Variants in CENPO observed in about 807,000 individuals in gnomAD.
The protein encoded by CENPO is centromere protein O.
Under a neutral mutation model 36.1 loss-of-function variants are expected in CENPO, and 30 were observed. The ratio of observed to expected loss-of-function variants is 0.83; its 90% CI spans 0.62 to 1.13. The LOEUF is 1.13. Ranked by LOEUF, CENPO falls within the 50% of genes most tolerant of loss-of-function variation. The probability of loss-of-function intolerance (pLI) is 0.00; values close to 1 mark genes in which losing one functional copy is unlikely to be tolerated. For synonymous variants in CENPO, 171 were observed against 142.3 expected (o/e 1.20, Z -1.44); for missense variants, 349 against 357.8 (o/e 0.98, Z 0.20).
rs750363603 is a variant in CENPO at position 24,816,707 on chromosome 2, C to T, written c.656C>T (p.Ser219Leu). ...LQRNPLCNLL[S>L]FTYKLDPGGQ... ...AGAAACCCACTGTGTAACTTGCTGT[C>T]ATTTACTTACAAACTGGATCCAGGG... Residue 219 changes from serine to leucine, a missense_variant, in exon 6 of 8, where the codon TCA becomes TTA. Ser to Leu is a moderately radical substitution (Grantham distance 145). Transcript: ENST00000380834. 6.2e-7 allele frequency: 1 copy of T among 1,613,366 alleles called. No individual in the cohort carries two copies. The highest frequency in any genetic ancestry group is 1.1e-5 in the South Asian group (1 of 90,804).
intron 4 of CENPO, 92 bp downstream of exon 4, chr2:24,814,585 A>G (rs1558380346): frequency 1.4e-6 from 1 of 736,194 alleles, no homozygotes; most frequent in South Asian, 1.5e-5. Context: ...ATTATTTCAT[A>G]ATTTATAGTA....
Position 24,807,515 on chromosome 2 carries a change from A to C in CENPO, c.217-6861A>C, listed in dbSNP as rs796383805. 9.2e-5 allele frequency among the ~76,000 whole-genome samples: 14 copies of C among 152,270 alleles called. 1 individual carries two copies. Among genetic ancestry groups the C allele is most frequent in the African/African-American group, 3.4e-4 (14 of 41,574 alleles). On this transcript the variant is annotated intron_variant, in intron 3 of 7. Coordinates refer to ENST00000380834, the MANE Select transcript of CENPO (RefSeq NM_001322101.2). Reference sequence around the variant, plus strand: ...CAATTCTATTTTATGAGTATACTACATTTATTTACCCATTCTACTGTGATG... The same window carrying C: ...CAATTCTATTTTATGAGTATACTACCTTTATTTACCCATTCTACTGTGATG...
chr2:24,814,540 T>TAACTCACTA, intron 4 of CENPO, 47 bp downstream of exon 4: 1 of 859,254 alleles, frequency 1.2e-6, no homozygotes, highest in Non-Finnish European at 2.0e-6. Flanking sequence ...CTGCCTCTAG[T>TAACTCACTA]GAGTTAGTTT....
chr2:24,793,952 C>G lies in CENPO; in HGVS notation c.33C>G (p.Gly11=). The change falls in exon 2 of 8, where the codon GGC becomes GGG. Residue 11 remains glycine, a synonymous_variant. Transcript: ENST00000380834. ...AGGCGAACCCTTTACGTCCAGATGG[C>G]GAGTCCAAAGGAGGTATTCAGAGGG... MEQANPLRPD[G]ESKGGVLAHL... 6.2e-7 allele frequency: 1 copy of G among 1,613,804 alleles called. No homozygotes were observed. Among genetic ancestry groups the G allele is most frequent in the Non-Finnish European group, 8.5e-7 (1 of 1,179,700 alleles).
Position 24,814,384 on chromosome 2 carries a change from A to G in CENPO, c.225A>G (p.Ala75=). The change falls in exon 4 of 8, where the codon GCA becomes GCG. Residue 75 remains alanine (A), a synonymous_variant. Coordinates refer to ENST00000380834, the MANE Select transcript of CENPO (RefSeq NM_001322101.2). Reference sequence around the variant, plus strand: ...TGCTGCATATCTTGCAGGTGAAAGCATGTATTGCCAATGTAGAACCCAACC... The same window carrying G: ...TGCTGCATATCTTGCAGGTGAAAGCGTGTATTGCCAATGTAGAACCCAACC... ...VVRHRRASVK[A]CIANVEPNQT... 1.3e-6 allele frequency: 2 copies of G among 1,526,642 alleles called. No homozygotes were observed. Among genetic ancestry groups the G allele is most frequent in the East Asian group, 2.2e-5 (1 of 44,538 alleles). 94.6% of individuals were successfully genotyped at this position (1,526,642 alleles called of 1,614,324 possible). A position where few individuals can be genotyped will look rare whatever the true frequency, so the allele number is the denominator to read the frequency against.
At chr2:24,804,986 TTCA>T (rs1276731135) in intron 3 of CENPO, among the ~76,000 whole-genome samples, 1 of 152,240 alleles carries the variant, frequency 6.6e-6, no homozygotes, top group Non-Finnish European at 1.5e-5. Flanking sequence ...ATTTGGTCTT[TTCA>T]CATAGTCCCA....
intron 3 of CENPO, among the ~76,000 whole-genome samples, chr2:24,809,158 G>A (rs1218771380): frequency 6.6e-6 from 1 of 152,102 alleles, no homozygotes; most frequent in East Asian, 1.9e-4. Context: ...ACTGTCTTGT[G>A]ACTAGGATGG....
chr2:24,817,758 C>T lies in CENPO; in HGVS notation c.855C>T (p.Ala285=). The change falls in exon 7 of 8, where the codon GCC becomes GCT. Residue 285 remains alanine, a synonymous_variant. Coordinates refer to ENST00000380834, the MANE Select transcript of CENPO (RefSeq NM_001322101.2). ...CGAAGCCCTTGCATCAAGTGTTTGC[C>T]TCATTTACAAGAAAAGGAGAAAAGT... ...FCTKPLHQVF[A]SFTRKGEKLD... 1 of 1,614,202 alleles carries T rather than the reference C, an allele frequency of 6.2e-7. No homozygotes were observed. The highest frequency in any genetic ancestry group is 8.5e-7 in the Non-Finnish European group (1 of 1,180,042).
intron 2 of CENPO, 36 bp from the exon 3 acceptor site, chr2:24,799,639 C>A: frequency 6.5e-7 from 1 of 1,543,366 alleles, no homozygotes. Context: ...GAGAAATCCT[C>A]AGCTTCTTGT....
chr2:24,804,645 A>G (rs908493957), intron 3 of CENPO, among the ~76,000 whole-genome samples: 1 of 152,348 alleles, frequency 6.6e-6, no homozygotes, highest in African/African-American at 2.4e-5. Context: ...AAGAATGTTG[A>G]ACATTGGCCC....
chr2:24,820,293 A>G lies in CENPO; in HGVS notation c.*975A>G, dbSNP rs1667396113. 3.1e-6 allele frequency: 4 copies of G among 1,284,330 alleles called. No homozygotes were observed. Among genetic ancestry groups the G allele is most frequent in the Non-Finnish European group, 4.0e-6 (4 of 997,582 alleles). The allele number at this position is 1,284,330 out of a possible 1,614,324, so 79.6% of individuals were successfully genotyped here. ...CCGTGGCGAGCAGCGGGTGGGAAGG[A>G]GAACCCTGGAGTGACTGGCTGGGGG... is the stretch of plus-strand genomic sequence containing the variant. On this transcript the variant is annotated 3_prime_UTR_variant, in exon 8 of 8. Transcript: ENST00000380834.
chr2:24,805,878 G>C (rs897414480), intron 3 of CENPO, among the ~76,000 whole-genome samples: 13 of 152,232 alleles, frequency 8.5e-5, no homozygotes, highest in African/African-American at 2.9e-4. Flanking sequence ...TAAGTCTGCA[G>C]AGTTTTCTGC....
In CENPO at chr2:24,816,726, T is replaced by C; in HGVS notation, c.675T>C (p.Asp225=). The change falls in exon 6 of 8, where the codon GAT becomes GAC. Residue 225 remains aspartate (D), a synonymous_variant. Coordinates refer to ENST00000380834, the MANE Select transcript of CENPO (RefSeq NM_001322101.2). ...TGCTGTCATTTACTTACAAACTGGATCCAGGGGGTCAGTCCTTCCCGTTCT... is the reference window on the plus strand; with the variant it reads ...TGCTGTCATTTACTTACAAACTGGACCCAGGGGGTCAGTCCTTCCCGTTCT... The part of the protein sequence containing the change: ...CNLLSFTYKL[D]PGGQSFPFCA... 6.2e-7 allele frequency: 1 copy of C among 1,613,238 alleles called. No individual in the cohort carries two copies. Among genetic ancestry groups the C allele is most frequent in the Non-Finnish European group, 8.5e-7 (1 of 1,179,708 alleles).
intron 7 of CENPO, chr2:24,819,089 G>A (rs1052746092): frequency 1.3e-5 from 2 of 152,688 alleles, no homozygotes; most frequent in Non-Finnish European, 2.9e-5. Flanking sequence ...TTCCAGGCCT[G>A]TGGTGGGGAC....
intron 3 of CENPO, among the ~76,000 whole-genome samples, chr2:24,809,323 A>C (rs1205651966): frequency 6.6e-6 from 1 of 151,494 alleles, no homozygotes; most frequent in Non-Finnish European, 1.5e-5. Flanking sequence ...TCTCTCGTTC[A>C]TTTGTTTTGT....
At chr2:24,815,841 C>G in intron 5 of CENPO, 85 bp downstream of exon 5, 1 of 1,318,264 alleles carries the variant, frequency 7.6e-7, no homozygotes, top group Non-Finnish European at 1.1e-6. Flanking sequence ...TCAGTGTTTC[C>G]TAACTGTGAG....
intron 4 of CENPO, chr2:24,814,743 CATCTT>C: frequency 2.1e-6 from 1 of 470,018 alleles, no homozygotes; most frequent in East Asian, 3.7e-5. Context: ...TTATTCCACT[CATCTT>C]AACAGTTCGT....
Position 24,800,596 on chromosome 2 carries a change from G to A in CENPO, c.216+752G>A, listed in dbSNP as rs528295075. On this transcript the variant is annotated intron_variant, in intron 3 of 7. Coordinates refer to ENST00000380834, the MANE Select transcript of CENPO (RefSeq NM_001322101.2). The stretch of plus-strand genomic sequence containing the variant: ...GCGGTGTTTGGTTTTTTGTCCTTGC[G>A]ATAGTTTGCTGAGAATGATGGTTTC... Among the ~76,000 whole-genome samples the A allele has an allele frequency of 2.6e-4, 40 of 151,464 alleles. No individual in the cohort carries two copies. In the East Asian group the frequency reaches 2.7e-3, roughly 10 times the overall value.
Position 24,815,759 on chromosome 2 carries a change from ATC to A in CENPO, c.594+9_594+10del, listed in dbSNP as rs1387227433. On this transcript the variant is annotated splice_donor_5th_base_variant and intron_variant, in intron 5 of 7. Coordinates refer to ENST00000380834, the MANE Select transcript of CENPO (RefSeq NM_001322101.2). Reference sequence around the variant, plus strand: ...AGTACCAGGCAGACCGGCTTCAGGTATCTCTCTGGGATGTTATATGCCTCATC... The same window carrying A: ...AGTACCAGGCAGACCGGCTTCAGGTATCTCTGGGATGTTATATGCCTCATC... 2.5e-6 allele frequency: 4 copies of A among 1,613,998 alleles called. No individual in the cohort carries two copies. The highest frequency in any genetic ancestry group is 3.4e-6 in the Non-Finnish European group (4 of 1,179,868).
Sources: gnomAD v4.1 joint callset for allele counts (sites outside exome capture counted in the v4.1 genomes callset) on GRCh38, gnomAD v4.1.1 for gene constraint, MANE v1.5 for transcripts, NCBI Gene and HGNC (gene_info 2026-07-23, HGNC 2026-07-21) for gene names.